The following DNAJC10 variants were observed in gnomAD, a reference collection of about 807,000 sequenced individuals.
DNAJC10 encodes DnaJ heat shock protein family (Hsp40) member C10.
Under a neutral mutation model 115.0 loss-of-function variants are expected in DNAJC10, and 101 were observed. The observed-to-expected ratio is 0.88, with a 90% CI of 0.75 to 1.04. DNAJC10 has a LOEUF of 1.04. Among genes scored for constraint, DNAJC10 ranks in the 50% least tolerant of loss-of-function variants. DNAJC10 has a pLI of 0.00. For missense variants in DNAJC10, 981 were observed against 928.8 expected (o/e 1.06, Z -0.73); for synonymous variants, 307 against 301.5 (o/e 1.02, Z -0.19).
intron 14 of DNAJC10, among the ~76,000 whole-genome samples, chr2:182,750,797 TACAACAGCC>T (rs1226460310): frequency 6.6e-6 from 1 of 152,182 alleles, no homozygotes; most frequent in Non-Finnish European, 1.5e-5. Flanking sequence ...ACTACAGAGT[TACAACAGCC>T]ACACCATCAC....
chr2:182,770,743 T>C (rs778658287), intron 22 of DNAJC10, among the ~76,000 whole-genome samples: 56 of 152,216 alleles, frequency 3.7e-4, no homozygotes, highest in Non-Finnish European at 6.6e-4. Context: ...AACAATCATG[T>C]CATCTGCATA....
rs1420043211 is a variant in DNAJC10, at chr2:182,716,339, A to T, written c.-348A>T. Reference sequence around the variant, plus strand: ...GTAGTCGCCGGTGTGGCTGCACCTCACCAATCCCGTGCGCCGCGGCTGGGC... The same window carrying T: ...GTAGTCGCCGGTGTGGCTGCACCTCTCCAATCCCGTGCGCCGCGGCTGGGC... On this transcript the variant is annotated 5_prime_UTR_variant, in exon 1 of 24. Coordinates refer to ENST00000264065, the MANE Select transcript of DNAJC10 (RefSeq NM_018981.4). 6.6e-6 allele frequency: 1 copy of T among 151,954 alleles called. No homozygotes were observed. The highest frequency in any genetic ancestry group is 1.5e-5 in the Non-Finnish European group (1 of 68,012). 9.4% of individuals were successfully genotyped at this position (151,954 alleles called of 1,614,324 possible).
intron 14 of DNAJC10, 122 bp from the exon 15 acceptor site, chr2:182,751,536 C>A: frequency 8.5e-7 from 1 of 1,181,090 alleles, no homozygotes; most frequent in South Asian, 1.5e-5. Flanking sequence ...ACTAAAACCT[C>A]ACCAAAATCA....
At chr2:182,723,631 CTAATATATCAGTAAGTG>C (rs919971081) in intron 5 of DNAJC10, among the ~76,000 whole-genome samples, 1 of 152,110 alleles carries the variant, frequency 6.6e-6, no homozygotes, top group Non-Finnish European at 1.5e-5. Context: ...CTCTCATCTC[CTAATATATCAGTAAGTG>C]TTTTGTGTAC....
Position 182,757,340 on chromosome 2 carries a change from G to C in DNAJC10, c.1810-352G>C, listed in dbSNP as rs181217180. On this transcript the variant is annotated intron_variant, in intron 18 of 23. Coordinates refer to ENST00000264065, the MANE Select transcript of DNAJC10 (RefSeq NM_018981.4). ...AGGTGTGAGTCAGTATAACACATTA[G>C]ACACCTACAAAGCTTGTTTTCATTG... 8.2e-4 allele frequency among the ~76,000 whole-genome samples: 125 copies of C among 152,238 alleles called. 1 individual carries two copies. Among genetic ancestry groups the C allele is most frequent in the Non-Finnish European group, 1.4e-3 (98 of 67,994 alleles).
rs573314424 is a variant in DNAJC10 at position 182,782,847 on chromosome 2, A to G, written c.*5715A>G. ...GATGATGGGGTTTTCTAAATATACA[A>G]TTATGTCATCTGCAAACAGAGATAA... is the stretch of plus-strand genomic sequence containing the variant. On this transcript the variant is annotated 3_prime_UTR_variant, in exon 24 of 24. Coordinates refer to ENST00000264065, the MANE Select transcript of DNAJC10 (RefSeq NM_018981.4). 1 of 152,166 alleles carries G rather than the reference A, an allele frequency of 6.6e-6. No homozygotes were observed. The highest frequency in any genetic ancestry group is 1.5e-5 in the Non-Finnish European group (1 of 68,042). 9.4% of individuals were successfully genotyped at this position (152,166 alleles called of 1,614,324 possible).
intron 14 of DNAJC10, among the ~76,000 whole-genome samples, chr2:182,749,710 A>C (rs1383569641): frequency 6.6e-6 from 1 of 152,216 alleles, no homozygotes; most frequent in African/African-American, 2.4e-5. Flanking sequence ...AGTTTTTAAA[A>C]GTGTTTGCAG....
intron 22 of DNAJC10, among the ~76,000 whole-genome samples, chr2:182,764,369 CTAATA>C (rs1364662744): frequency 6.6e-6 from 1 of 152,092 alleles, no homozygotes; most frequent in Non-Finnish European, 1.5e-5. Flanking sequence ...GCGGCAGTTG[CTAATA>C]TAATAATAGC....
At chr2:182,769,396 G>A (rs970222657) in intron 22 of DNAJC10, among the ~76,000 whole-genome samples, 12 of 152,110 alleles carry the variant, frequency 7.9e-5, no homozygotes, top group South Asian at 6.2e-4. Context: ...TTGAGGAATC[G>A]CCACACTGTC....
chr2:182,789,335 C>T lies in DNAJC10; in HGVS notation c.*12203C>T. On this transcript the variant is annotated 3_prime_UTR_variant, in exon 24 of 24. Coordinates refer to ENST00000264065, the MANE Select transcript of DNAJC10 (RefSeq NM_018981.4). ...CTCCCAGGTTCAAGCGATTCTCCTG[C>T]CTCACCCTCCCAAGTAGCTGGGACT... The T allele has an allele frequency of 1.3e-5, 2 of 154,202 alleles. No individual in the cohort carries two copies. The highest frequency in any genetic ancestry group is 2.9e-5 in the Non-Finnish European group (2 of 69,564). 9.6% of individuals were successfully genotyped at this position (154,202 alleles called of 1,614,324 possible). A position where few individuals can be genotyped will look rare whatever the true frequency, so the allele number is the denominator to read the frequency against.
At chr2:182,755,523 T>C (rs915749950) in intron 17 of DNAJC10, among the ~76,000 whole-genome samples, 4 of 151,988 alleles carry the variant, frequency 2.6e-5, no homozygotes, top group African/African-American at 9.7e-5. Flanking sequence ...TCTAGTTTAT[T>C]ATTATCCATT....
intron 14 of DNAJC10, among the ~76,000 whole-genome samples, chr2:182,749,368 A>G (rs1244045762): frequency 6.8e-6 from 1 of 146,528 alleles, no homozygotes; most frequent in African/African-American, 2.6e-5. Context: ...TATTTAGGAT[A>G]GTTAGCTCTT....
chr2:182,774,399 G>A (rs916024409), intron 22 of DNAJC10, among the ~76,000 whole-genome samples: 3 of 152,198 alleles, frequency 2.0e-5, no homozygotes, highest in Non-Finnish European at 2.9e-5. Context: ...AGACAGGAAC[G>A]TTTAAGTCTG....
chr2:182,760,926 A>G (rs1259039661), intron 21 of DNAJC10, among the ~76,000 whole-genome samples: 1 of 151,870 alleles, frequency 6.6e-6, no homozygotes, highest in Non-Finnish European at 1.5e-5. Flanking sequence ...GCTTTACTCC[A>G]TTTCTCATGT....
intron 5 of DNAJC10, among the ~76,000 whole-genome samples, chr2:182,726,836 A>G (rs1179649845): frequency 6.6e-6 from 1 of 152,164 alleles, no homozygotes; most frequent in African/African-American, 2.4e-5. Flanking sequence ...GGCTCAAGCA[A>G]TCCTGCTGCC....
At position 182,783,358 on chromosome 2, in the gene DNAJC10, C is replaced by T. The variant is rs1182231242; in HGVS notation, c.*6226C>T. 4.6e-5 allele frequency: 7 copies of T among 152,020 alleles called. No homozygotes were observed. The highest frequency in any genetic ancestry group is 8.8e-5 in the Non-Finnish European group (6 of 67,996). 9.4% of individuals were successfully genotyped at this position (152,020 alleles called of 1,614,324 possible). On this transcript the variant is annotated 3_prime_UTR_variant, in exon 24 of 24. Coordinates refer to ENST00000264065, the MANE Select transcript of DNAJC10 (RefSeq NM_018981.4). ...GAAGCCAGTTAACTAGCAAAAAGTCCCACCTATGCATTGAAATATCTTTCT... is the reference window on the plus strand; with the variant it reads ...GAAGCCAGTTAACTAGCAAAAAGTCTCACCTATGCATTGAAATATCTTTCT...
chr2:182,759,233 TG>T lies in DNAJC10; in HGVS notation c.2074del (p.Val692Ter). On this transcript the variant is annotated frameshift_variant, in exon 21 of 24. Coordinates refer to ENST00000264065, the MANE Select transcript of DNAJC10 (RefSeq NM_018981.4). LOFTEE classifies it high-confidence loss of function. ...AAAAGTTCTACAAGGGAAAAATCAT[TG>T]GGTGATTGATTTCTATGCTCCTTGG... ...SEKVLQGKNH[W>X]VIDFYAPWCG... 1 of 1,611,112 alleles carries T rather than the reference TG, an allele frequency of 6.2e-7. No homozygotes were observed. The highest frequency in any genetic ancestry group is 1.1e-5 in the South Asian group (1 of 89,960).
In DNAJC10 at chr2:182,751,760, C is replaced by T. The variant is rs756368890; in HGVS notation, c.1409C>T (p.Pro470Leu). The change falls in exon 15 of 24, where the codon CCA (proline) becomes CTA (leucine). Residue 470 changes from proline (P) to leucine (L), a missense_variant. By Grantham distance (98) the Pro-to-Leu change is moderately conservative (BLOSUM62 -3). Coordinates refer to ENST00000264065, the MANE Select transcript of DNAJC10 (RefSeq NM_018981.4). ...PQNFPANDKE[P>L]WLVDFFAPWC... is the part of the protein sequence containing the mutation. ...AATTTTCCTGCCAATGACAAAGAAC[C>T]ATGGCTTGTTGATTTCTTTGCCCCC... 6.2e-7 allele frequency: 1 copy of T among 1,613,730 alleles called. No individual in the cohort carries two copies. Among genetic ancestry groups the T allele is most frequent in the Admixed American group, 1.7e-5 (1 of 59,960 alleles).
At chr2:182,744,871 T>A (rs896552424) in intron 14 of DNAJC10, among the ~76,000 whole-genome samples, 1 of 152,220 alleles carries the variant, frequency 6.6e-6, no homozygotes, top group Non-Finnish European at 1.5e-5. Flanking sequence ...GACTAAGTTT[T>A]AATAATGGAA....
Sources: allele counts gnomAD v4.1 joint callset (sites outside exome capture counted in the v4.1 genomes callset), GRCh38; gene constraint gnomAD v4.1.1; transcripts MANE v1.5; gene names NCBI Gene and HGNC (gene_info 2026-07-23, HGNC 2026-07-21).